Variants in PAPOLA observed in about 807,000 individuals in gnomAD.
PAPOLA encodes polynucleotide adenylyltransferase alpha.
Under a neutral mutation model 100.6 loss-of-function variants are expected in PAPOLA, and 15 were observed. That is an observed-to-expected ratio of 0.15 (90% CI 0.10 to 0.23). The LOEUF (loss-of-function observed/expected upper bound fraction) is 0.23. PAPOLA is among the 10% of genes least tolerant of loss of function. The pLI, the probability that PAPOLA is intolerant of heterozygous loss-of-function variation, is 1.00. For synonymous variants in PAPOLA, 293 were observed against 300.0 expected (o/e 0.98, Z 0.24); for missense variants, 533 against 884.2 (o/e 0.60, Z 5.04).
chr14:96,532,454 A>G, intron 8 of PAPOLA, 34 bp downstream of exon 8: 1 of 1,606,058 alleles, frequency 6.2e-7, no homozygotes. Context: ...GCTTATTAAA[A>G]ATGTTCAAAC....
At chr14:96,544,103 A>G (rs368541981) in intron 14 of PAPOLA, 46 bp from the exon 15 acceptor site, 1 of 1,021,208 alleles carries the variant, frequency 9.8e-7, no homozygotes, top group Non-Finnish European at 1.5e-6. Flanking sequence ...TGATAGCTAC[A>G]TTTTCATGAA....
At chr14:96,543,057 A>G (rs1210201733) in intron 14 of PAPOLA, among the ~76,000 whole-genome samples, 164 bp downstream of exon 14, 1 of 152,178 alleles carries the variant, frequency 6.6e-6, no homozygotes, top group East Asian at 1.9e-4. Context: ...GAAACATTGA[A>G]GAGAAAGACT....
chr14:96,535,599 A>G, intron 10 of PAPOLA: 2 of 1,070,500 alleles, frequency 1.9e-6, no homozygotes, highest in Non-Finnish European at 2.3e-6. Flanking sequence ...AAACATCAAT[A>G]GATTCCCAAG....
At chr14:96,512,622 A>G (rs1050216674) in intron 1 of PAPOLA, among the ~76,000 whole-genome samples, 2 of 152,252 alleles carry the variant, frequency 1.3e-5, no homozygotes, top group African/African-American at 2.4e-5. Flanking sequence ...GATGGCAGCT[A>G]TGATCGTAAT....
At chr14:96,509,220 CAG>C (rs373334586) in intron 1 of PAPOLA, among the ~76,000 whole-genome samples, 18 of 152,188 alleles carry the variant, frequency 1.2e-4, no homozygotes, top group African/African-American at 4.1e-4. Context: ...TTTACTGTGA[CAG>C]GGTTTTGCCA....
chr14:96,503,597 G>A (rs767454322), intron 1 of PAPOLA, among the ~76,000 whole-genome samples: 3 of 151,850 alleles, frequency 2.0e-5, no homozygotes, highest in Non-Finnish European at 4.4e-5. Flanking sequence ...ATATTGAAGC[G>A]TAAGAGTGCC....
At chr14:96,558,445 C>A (rs1435785083) in intron 19 of PAPOLA, among the ~76,000 whole-genome samples, 1 of 152,128 alleles carries the variant, frequency 6.6e-6, no homozygotes, top group African/African-American at 2.4e-5. Flanking sequence ...TTAAAAATGG[C>A]ACCCTAAGAG....
chr14:96,532,136 A>AT lies in PAPOLA; in HGVS notation c.608-189dup, dbSNP rs1052334361. On this transcript the variant is annotated intron_variant, in intron 7 of 21. Transcript: ENST00000216277. ...TTACAATAGGAGATAAATGCTTTAG[A>AT]TTTTTTCCCCCTCTTTATTGAATTA... is the stretch of plus-strand genomic sequence containing the variant. 2.9e-6 allele frequency: 4 copies of AT among 1,374,022 alleles called. No individual in the cohort carries two copies. The African/African-American group carries it at 4.5e-5, about 15-fold the overall frequency. 85.1% of individuals were successfully genotyped at this position (1,374,022 alleles called of 1,614,324 possible).
intron 1 of PAPOLA, among the ~76,000 whole-genome samples, chr14:96,512,977 T>C (rs11623142): frequency 0.26 from 39,251 of 152,212 alleles, 5,565 homozygotes; most frequent in African/African-American, 0.39. Flanking sequence ...TCTGTTGTGC[T>C]GGAATTCGGG....
chr14:96,527,881 C>T (rs1203113998), intron 5 of PAPOLA, 72 bp from the exon 6 acceptor site: 3 of 1,017,440 alleles, frequency 2.9e-6, no homozygotes, highest in Non-Finnish European at 4.7e-6. Context: ...AGGTGTTTTG[C>T]TAAAGTACTA....
chr14:96,502,518 A>C lies in PAPOLA; in HGVS notation c.-75A>C. 1 of 1,193,310 alleles carries C rather than the reference A, an allele frequency of 8.4e-7. No homozygotes were observed. Among genetic ancestry groups the C allele is most frequent in the Non-Finnish European group, 1.2e-6 (1 of 834,902 alleles). The allele number at this position is 1,193,310 out of a possible 1,614,324, so 73.9% of individuals were successfully genotyped here. On this transcript the variant is annotated 5_prime_UTR_variant, in exon 1 of 22. Coordinates refer to ENST00000216277, the MANE Select transcript of PAPOLA (RefSeq NM_032632.5). ...CAGGCCCCCCCCTCCCTCCCGCCTC[A>C]GTGGATCATGCCCAGGGCGGCAGCG...
At chr14:96,511,422 A>T (rs983151005) in intron 1 of PAPOLA, among the ~76,000 whole-genome samples, 1 of 152,198 alleles carries the variant, frequency 6.6e-6, no homozygotes, top group African/African-American at 2.4e-5. Context: ...TTGAGATGCA[A>T]AGTACTTAAA....
chr14:96,543,129 C>T (rs1900125719), intron 14 of PAPOLA, among the ~76,000 whole-genome samples: 5 of 152,000 alleles, frequency 3.3e-5, no homozygotes, highest in Admixed American at 3.3e-4. Flanking sequence ...TGATGAGGTG[C>T]CTGTTAGCTA....
In PAPOLA at chr14:96,547,690, A is replaced by G. The variant is rs1900498684; in HGVS notation, c.1400-107A>G. The G allele has an allele frequency of 3.9e-6, 3 of 761,596 alleles. No individual in the cohort carries two copies. In the African/African-American group the frequency reaches 5.4e-5, roughly 14 times the overall value. 47.2% of individuals were successfully genotyped at this position (761,596 alleles called of 1,614,324 possible). A position where few individuals can be genotyped will look rare whatever the true frequency, so the allele number is the denominator to read the frequency against. On this transcript the variant is annotated intron_variant, in intron 15 of 21. Coordinates refer to ENST00000216277, the MANE Select transcript of PAPOLA (RefSeq NM_032632.5). ...GGTCTTGACCGATCTACAGATATGC[A>G]GTATTGATGGAAAAAGGATCCCTAC...
intron 17 of PAPOLA, 97 bp downstream of exon 17, chr14:96,552,719 A>C (rs1900947928): frequency 9.0e-7 from 1 of 1,110,948 alleles, no homozygotes; most frequent in Non-Finnish European, 1.3e-6. Flanking sequence ...TTAGAATGTT[A>C]TTTTCATTCC....
chr14:96,551,211 T>G (rs1366464310), intron 16 of PAPOLA, among the ~76,000 whole-genome samples: 1 of 152,228 alleles, frequency 6.6e-6, no homozygotes, highest in African/African-American at 2.4e-5. Context: ...CTTTCACAGT[T>G]TATCCCCAAC....
Position 96,536,961 on chromosome 14 carries a change from A to T in PAPOLA, c.1031-15A>T, listed in dbSNP as rs1193734875. ...GACTGAAGTATGCAAACATTTTAAT[A>T]TGTTTTTAATTTAGGTCTTGCTATC... On this transcript the variant is annotated splice_polypyrimidine_tract_variant and intron_variant, in intron 11 of 21. Coordinates refer to ENST00000216277, the MANE Select transcript of PAPOLA (RefSeq NM_032632.5). 1 of 1,486,062 alleles carries T rather than the reference A, an allele frequency of 6.7e-7. No individual in the cohort carries two copies. Among genetic ancestry groups the T allele is most frequent in the Middle Eastern group, 1.7e-4 (1 of 5,838 alleles). 92.1% of individuals were successfully genotyped at this position (1,486,062 alleles called of 1,614,324 possible).
chr14:96,544,451 GT>G (rs1229305366), intron 15 of PAPOLA, among the ~76,000 whole-genome samples, 193 bp downstream of exon 15: 1 of 151,994 alleles, frequency 6.6e-6, no homozygotes, highest in East Asian at 1.9e-4. Flanking sequence ...GACCAGAAGT[GT>G]TTAGGATTTT....
intron 12 of PAPOLA, among the ~76,000 whole-genome samples, chr14:96,540,459 A>G (rs1259493675): frequency 1.3e-5 from 2 of 148,228 alleles, no homozygotes; most frequent in African/African-American, 2.5e-5. Flanking sequence ...TGTTTTAGGG[A>G]CCTAGAAATC....
Sources: allele counts gnomAD v4.1 joint callset (sites outside exome capture counted in the v4.1 genomes callset), GRCh38; gene constraint gnomAD v4.1.1; transcripts MANE v1.5; gene names NCBI Gene and HGNC (gene_info 2026-07-23, HGNC 2026-07-21).